Variants in VIRMA observed in about 807,000 individuals in gnomAD.
The protein encoded by VIRMA is protein virilizer homolog.
A neutral mutation model predicts 182.4 loss-of-function variants in VIRMA; 65 were observed. That is an observed-to-expected ratio of 0.36 (90% CI 0.29 to 0.44). The LOEUF (loss-of-function observed/expected upper bound fraction) is 0.44. Among genes scored for constraint, VIRMA ranks in the 20% least tolerant of loss-of-function variants. VIRMA has a pLI of 1.00. For missense variants in VIRMA, 1,752 were observed against 2,158.1 expected (o/e 0.81, Z 3.73); for synonymous variants, 709 against 743.1 (o/e 0.95, Z 0.75).
Position 94,526,208 on chromosome 8 carries a change from G to T in VIRMA, c.2021+15C>A. On this transcript the variant is annotated intron_variant, in intron 8 of 23. Transcript: ENST00000297591. ...ATTTGTGAAATTTATTTCCCAAAAG[G>T]CAAACATGTCTTACCTAAAGAGAAC... The T allele has an allele frequency of 6.5e-7, 1 of 1,540,818 alleles. No homozygotes were observed. Among genetic ancestry groups the T allele is most frequent in the Non-Finnish European group, 8.7e-7 (1 of 1,144,782 alleles).
Position 94,495,714 on chromosome 8 carries a change from A to G in VIRMA, c.4544+17T>C. 1.2e-6 allele frequency: 2 copies of G among 1,606,534 alleles called. No individual in the cohort carries two copies. Among genetic ancestry groups the G allele is most frequent in the Non-Finnish European group, 1.7e-6 (2 of 1,176,362 alleles). On this transcript the variant is annotated intron_variant, in intron 19 of 23. Coordinates refer to ENST00000297591, the MANE Select transcript of VIRMA (RefSeq NM_015496.5). ...AAAACCAACAGCTATTCAATCATAA[A>G]ACATTGTGTATTTTACCTATTGTTA...
Position 94,492,017 on chromosome 8 carries a change from G to T in VIRMA, c.4809-108C>A. 6.5e-6 allele frequency: 5 copies of T among 765,918 alleles called. No individual in the cohort carries two copies. The South Asian group carries it at 7.8e-5, about 12-fold the overall frequency. 47.4% of individuals were successfully genotyped at this position (765,918 alleles called of 1,614,324 possible). A position where few individuals can be genotyped will look rare whatever the true frequency, so the allele number is the denominator to read the frequency against. On this transcript the variant is annotated intron_variant, in intron 21 of 23. Coordinates refer to ENST00000297591, the MANE Select transcript of VIRMA (RefSeq NM_015496.5). ...TTCAGTTTTTTTGTACTCCAATTCTGCTAACTTTGCAAGTATCTATCATAC... is the reference window on the plus strand; with the variant it reads ...TTCAGTTTTTTTGTACTCCAATTCTTCTAACTTTGCAAGTATCTATCATAC...
chr8:94,518,869 A>G, intron 9 of VIRMA, 116 bp downstream of exon 9: 4 of 935,174 alleles, frequency 4.3e-6, no homozygotes, highest in East Asian at 2.4e-5. Flanking sequence ...GTTTTGTGTT[A>G]TATCAAAACT....
At chr8:94,547,770 G>C (rs949681376) in intron 1 of VIRMA, among the ~76,000 whole-genome samples, 10 of 150,048 alleles carry the variant, frequency 6.7e-5, no homozygotes, top group Admixed American at 2.0e-4. Context: ...ATAAATAATA[G>C]CATTAATATC....
At chr8:94,525,704 G>A (rs1038611843) in intron 8 of VIRMA, among the ~76,000 whole-genome samples, 4 of 152,186 alleles carry the variant, frequency 2.6e-5, no homozygotes, top group African/African-American at 7.2e-5. Flanking sequence ...AAATCTACTA[G>A]GGATGCTGGT....
chr8:94,507,198 T>C (rs1586074621), intron 15 of VIRMA, among the ~76,000 whole-genome samples: 1 of 151,310 alleles, frequency 6.6e-6, no homozygotes, highest in East Asian at 2.0e-4. Flanking sequence ...TACAATGGCA[T>C]GATCTCGGCT....
At chr8:94,510,269 A>C (rs1814316935) in intron 14 of VIRMA, 148 bp downstream of exon 14, 1 of 620,888 alleles carries the variant, frequency 1.6e-6, no homozygotes, top group Non-Finnish European at 2.8e-6. Flanking sequence ...TCATATATTC[A>C]TATGTGTGCA....
chr8:94,490,800 T>C (rs1320141224), intron 22 of VIRMA, among the ~76,000 whole-genome samples: 1 of 151,902 alleles, frequency 6.6e-6, no homozygotes, highest in African/African-American at 2.4e-5. Flanking sequence ...TGAGCCGAGA[T>C]TGCGCCATTG....
intron 2 of VIRMA, among the ~76,000 whole-genome samples, 169 bp downstream of exon 2, chr8:94,543,658 T>C (rs1288769109): frequency 6.6e-6 from 1 of 152,098 alleles, no homozygotes; most frequent in African/African-American, 2.4e-5. Context: ...TAAGATGATA[T>C]ATGCATTATA....
intron 10 of VIRMA, among the ~76,000 whole-genome samples, chr8:94,517,327 C>T (rs577523923): frequency 1.3e-5 from 2 of 152,270 alleles, no homozygotes; most frequent in South Asian, 2.1e-4. Flanking sequence ...CTCAGCCTCC[C>T]GAGTAGCTGG....
chr8:94,539,785 C>A (rs942327183), intron 2 of VIRMA, among the ~76,000 whole-genome samples: 4 of 152,184 alleles, frequency 2.6e-5, no homozygotes, highest in African/African-American at 9.7e-5. Context: ...TAAGACATGA[C>A]TGGATCATGA....
chr8:94,488,981 GC>G (rs1219273968), intron 23 of VIRMA, 121 bp from the exon 24 acceptor site: 3 of 1,084,204 alleles, frequency 2.8e-6, no homozygotes, highest in African/African-American at 3.2e-5. Context: ...AAGCTCACGT[GC>G]AAGCACGGTG....
intron 1 of VIRMA, chr8:94,546,850 C>T: frequency 2.2e-6 from 1 of 452,230 alleles, no homozygotes; most frequent in Non-Finnish European, 4.4e-6. Context: ...TGTACCACTC[C>T]CCTGATCTTA....
At chr8:94,497,908 G>C (rs1299150787) in intron 17 of VIRMA, 2 of 152,312 alleles carry the variant, frequency 1.3e-5, no homozygotes, top group African/African-American at 4.8e-5. Flanking sequence ...CTACTCAGGA[G>C]GCTGAGGTGG....
chr8:94,493,021 T>C (rs940036815), intron 20 of VIRMA, among the ~76,000 whole-genome samples: 2 of 152,180 alleles, frequency 1.3e-5, no homozygotes, highest in African/African-American at 4.8e-5. Context: ...TAATGCTACT[T>C]TTTTTGTGTG....
chr8:94,523,392 T>C (rs71532319), intron 8 of VIRMA, among the ~76,000 whole-genome samples: 4 of 152,150 alleles, frequency 2.6e-5, no homozygotes, highest in African/African-American at 9.7e-5. Flanking sequence ...TGCTGCCTTG[T>C]CTCTTACTTT....
chr8:94,500,943 T>C (rs1415882356), intron 16 of VIRMA, among the ~76,000 whole-genome samples: 1 of 152,016 alleles, frequency 6.6e-6, no homozygotes, highest in Non-Finnish European at 1.5e-5. Flanking sequence ...CTAGATATAA[T>C]TTTTTAAAAA....
chr8:94,531,889 G>C (rs549057479), intron 5 of VIRMA, among the ~76,000 whole-genome samples: 1 of 152,102 alleles, frequency 6.6e-6, no homozygotes, highest in Admixed American at 6.6e-5. Flanking sequence ...ATAATATGTT[G>C]AAGTTCAAGG....
Position 94,539,014 on chromosome 8 carries a change from G to C in VIRMA, c.180-668C>G, listed in dbSNP as rs1319957148. Among the ~76,000 whole-genome samples, 4 of 151,632 alleles carry C rather than the reference G, an allele frequency of 2.6e-5. No individual in the cohort carries two copies. The South Asian group carries it at 6.2e-4, about 24-fold the overall frequency. ...GCTCCCAGACTCAAACAATCCTCCT[G>C]CTACAGCCTCCCAAGTAGCTGGGAC... On this transcript the variant is annotated intron_variant, in intron 2 of 23. Transcript: ENST00000297591.
Sources: allele counts gnomAD v4.1 joint callset (sites outside exome capture counted in the v4.1 genomes callset), GRCh38; gene constraint gnomAD v4.1.1; transcripts MANE v1.5; gene names NCBI Gene and HGNC (gene_info 2026-07-23, HGNC 2026-07-21).